Variants in PCDH19 observed in about 807,000 individuals in gnomAD.
PCDH19 encodes protocadherin-19.
A neutral mutation model predicts 46.2 loss-of-function variants in PCDH19; 6 were observed. The observed-to-expected ratio is 0.13, with a 90% confidence interval of 0.07 to 0.26. The LOEUF (loss-of-function observed/expected upper bound fraction) is 0.26. Among genes scored for constraint, PCDH19 ranks in the 10% least tolerant of loss-of-function variants. The pLI is 1.00. For missense variants in PCDH19, 740 were observed against 972.3 expected (o/e 0.76, Z 3.18); for synonymous variants, 481 against 415.7 (o/e 1.16, Z -1.91).
chrX:100,348,065 C>CAAAAAAA (rs1177957771), intron 4 of PCDH19, among the ~76,000 whole-genome samples: 24 of 40,561 alleles, frequency 5.9e-4, no homozygotes, highest in Admixed American at 9.7e-4. Context: ...GATTCCGTCT[C>CAAAAAAA]AAAAAAAAAA....
intron 4 of PCDH19, among the ~76,000 whole-genome samples, chrX:100,345,066 G>C (rs1926358400): frequency 9.1e-6 from 1 of 110,159 alleles, no homozygotes; most frequent in African/African-American, 3.3e-5. Flanking sequence ...TGATGTCTTT[G>C]AATCTCAGTT....
chrX:100,344,194 A>G (rs1198782223), intron 4 of PCDH19, among the ~76,000 whole-genome samples: 1 of 112,015 alleles, frequency 8.9e-6, no homozygotes, highest in Non-Finnish European at 1.9e-5. Flanking sequence ...AAATTACTCA[A>G]TAGGCCAGCT....
chrX:100,300,887 G>T (rs778994211), intron 5 of PCDH19, among the ~76,000 whole-genome samples: 41 of 92,758 alleles, frequency 4.4e-4, no homozygotes, highest in African/African-American at 1.6e-3. Context: ...CAGGAAACTT[G>T]GTGAGAGAAT....
chrX:100,399,951 C>A (rs1928130456), intron 3 of PCDH19, among the ~76,000 whole-genome samples: 1 of 109,120 alleles, frequency 9.2e-6, no homozygotes, highest in Non-Finnish European at 1.9e-5. Flanking sequence ...AGAAATGATA[C>A]TAAGTCTTAG....
intron 5 of PCDH19, among the ~76,000 whole-genome samples, chrX:100,313,060 T>C (rs1925181286): frequency 1.8e-5 from 2 of 111,554 alleles, no homozygotes; most frequent in Non-Finnish European, 3.8e-5. Context: ...AAGATGCATT[T>C]TCATTCACAA....
Position 100,408,258 on chromosome X carries a change from C to T in PCDH19, c.340G>A (p.Val114Met). 23 of 1,211,720 alleles carry T rather than the reference C, an allele frequency of 1.9e-5. No individual in the cohort carries two copies. Among genetic ancestry groups the T allele is most frequent in the Non-Finnish European group, 2.6e-5 (23 of 895,402 alleles). ...EVMSSSMEIC[V>M]IKVEIKDLND... is the part of the protein sequence containing the mutation. ...AGGTCCTTGATCTCCACCTTTATCA[C>T]GCAGATTTCCATTGAGCTGGACATG... Residue 114 changes from valine (V) to methionine (M), a missense_variant, in exon 1 of 6, where the codon GTG becomes ATG. Around this residue, in one of 5 missense-constraint regions of PCDH19, gnomAD observed 81 missense variants for 96.5 expected, o/e 0.84. Coordinates refer to ENST00000373034, the MANE Select transcript of PCDH19 (RefSeq NM_001184880.2).
chrX:100,351,332 A>C (rs541770581), intron 3 of PCDH19, among the ~76,000 whole-genome samples: 3 of 112,876 alleles, frequency 2.7e-5, no homozygotes, highest in Middle Eastern at 4.6e-3. Flanking sequence ...TTTGCAAGCA[A>C]ACCCCTGTCT....
intron 3 of PCDH19, among the ~76,000 whole-genome samples, chrX:100,365,752 G>A (rs989733808): frequency 2.7e-5 from 3 of 111,565 alleles, no homozygotes; most frequent in African/African-American, 9.8e-5. Context: ...TTGAAGATAA[G>A]GAAATGGGCC....
intron 5 of PCDH19, among the ~76,000 whole-genome samples, chrX:100,329,386 G>C (rs1461026155): frequency 9.0e-6 from 1 of 111,669 alleles, no homozygotes; most frequent in Non-Finnish European, 1.9e-5. Flanking sequence ...CAACTTAATA[G>C]AGTACTCACA....
intron 2 of PCDH19, among the ~76,000 whole-genome samples, chrX:100,403,141 G>T (rs1602633038): frequency 9.0e-6 from 1 of 111,660 alleles, no homozygotes; most frequent in Middle Eastern, 4.6e-3. Context: ...CGGGTGGGGG[G>T]ACAGGGAAAG....
At position 100,333,737 on chromosome X, in the gene PCDH19, G is replaced by GT. The variant is rs201353958; in HGVS notation, c.2848+8165dup. On this transcript the variant is annotated intron_variant, in intron 5 of 5. Transcript: ENST00000373034. ...AGTAATGAATTCCTTACCACAGGTA[G>GT]TTTTTTTTCTGTTGTTTTTGTTTTC... Among the ~76,000 whole-genome samples, 44 of 108,002 alleles carry GT rather than the reference G, an allele frequency of 4.1e-4. 1 individual carries two copies. The highest frequency in any genetic ancestry group is 8.9e-4 in the Admixed American group (9 of 10,102). 93.8% of individuals were successfully genotyped at this position (108,002 alleles called of 115,157 possible). A position where few individuals can be genotyped will look rare whatever the true frequency, so the allele number is the denominator to read the frequency against.
chrX:100,389,730 C>T (rs1037568891), intron 3 of PCDH19, among the ~76,000 whole-genome samples: 10 of 111,186 alleles, frequency 9.0e-5, no homozygotes, highest in Admixed American at 3.8e-4. Flanking sequence ...AGGTTCTCTG[C>T]GCTATAAATT....
rs781763211 is a variant in PCDH19 at position 100,407,968 on chromosome X, C to T, written c.630G>A (p.Ala210=). Residue 210 remains alanine, a synonymous_variant, in exon 1 of 6, where the codon GCG becomes GCA. Coordinates refer to ENST00000373034, the MANE Select transcript of PCDH19 (RefSeq NM_001184880.2). The stretch of plus-strand genomic sequence containing the variant: ...GGCGCGGCGGGTCGCCACCGTCTAG[C>T]GCAGTGATTCGGAAGCTGTAGTGCG... The part of the protein sequence containing the change: ...TQSHYSFRIT[A]LDGGDPPRLG... 4.1e-6 allele frequency: 5 copies of T among 1,207,894 alleles called. No individual in the cohort carries two copies. In the Admixed American group the frequency reaches 8.7e-5, roughly 21 times the overall value.
intron 2 of PCDH19, among the ~76,000 whole-genome samples, chrX:100,403,066 A>AC (rs899371046): frequency 9.2e-6 from 1 of 108,819 alleles, no homozygotes; most frequent in Non-Finnish European, 1.9e-5. Context: ...CCTCCCACCA[A>AC]CCCCCCCTAA....
In PCDH19 at chrX:100,408,514, C is replaced by G. The variant is rs756232030; in HGVS notation, c.84G>C (p.Ser28=). The G allele has an allele frequency of 1.7e-6, 2 of 1,200,052 alleles. No individual in the cohort carries two copies. Among genetic ancestry groups the G allele is most frequent in the African/African-American group, 1.8e-5 (1 of 57,104 alleles). The change falls in exon 1 of 6, where the codon TCG becomes TCC. Residue 28 remains serine, a synonymous_variant. Coordinates refer to ENST00000373034, the MANE Select transcript of PCDH19 (RefSeq NM_001184880.2). ...QAAALINLKY[S]VEEEQRAGTV... ...TCCCGGCGCGCTGCTCCTCTTCTAC[C>G]GAGTACTTGAGATTAATGAGGGCGG...
chrX:100,334,425 T>C (rs2147478801), intron 5 of PCDH19, among the ~76,000 whole-genome samples: 1 of 112,140 alleles, frequency 8.9e-6, no homozygotes, highest in African/African-American at 3.2e-5. Flanking sequence ...AATATAAGTT[T>C]AATTACTTGA....
intron 3 of PCDH19, among the ~76,000 whole-genome samples, chrX:100,383,376 A>G (rs1927614271): frequency 8.9e-6 from 1 of 112,225 alleles, no homozygotes; most frequent in Non-Finnish European, 1.9e-5. Flanking sequence ...CTCAAGTGAC[A>G]AACCGTATCT....
At chrX:100,300,388 T>C (rs1924736905) in intron 5 of PCDH19, among the ~76,000 whole-genome samples, 1 of 112,253 alleles carries the variant, frequency 8.9e-6, no homozygotes, top group East Asian at 2.8e-4. Context: ...AGAACCATTT[T>C]GTAGCATCAC....
chrX:100,338,693 C>A (rs1055901002), intron 5 of PCDH19, among the ~76,000 whole-genome samples: 1 of 111,018 alleles, frequency 9.0e-6, no homozygotes. Flanking sequence ...AGTCACAAAG[C>A]ACCCTTGTCA....
Sources: gnomAD v4.1 joint callset for allele counts (sites outside exome capture counted in the v4.1 genomes callset) on GRCh38, gnomAD v4.1.1 for gene constraint, gnomAD v4.1.1 regional missense constraint, MANE v1.5 for transcripts, NCBI Gene and HGNC (gene_info 2026-07-23, HGNC 2026-07-21) for gene names.